TTC4: variants seen among roughly 807,000 people sequenced by gnomAD.
TTC4 encodes hsp70/Hsp90 co-chaperone CNS1 homolog.
In TTC4, 36 loss-of-function variants were observed where a neutral mutation model predicts 51.9. The ratio of observed to expected loss-of-function variants is 0.69; its 90% CI spans 0.53 to 0.92. TTC4 has a LOEUF of 0.92. Among genes scored for constraint, TTC4 ranks in the 40% least tolerant of loss-of-function variants. The pLI, the probability that TTC4 is intolerant of heterozygous loss-of-function variation, is 0.00. For synonymous variants in TTC4, 144 were observed against 164.2 expected (o/e 0.88, Z 0.94); for missense variants, 399 against 454.6 (o/e 0.88, Z 1.11).
chr1:54,739,254 C>A (rs975545184), intron 9 of TTC4, among the ~76,000 whole-genome samples: 4 of 152,036 alleles, frequency 2.6e-5, no homozygotes, highest in African/African-American at 9.7e-5. Context: ...TCAAGCAGTC[C>A]TCCTGCCTCA....
intron 3 of TTC4, among the ~76,000 whole-genome samples, chr1:54,718,416 T>C (rs80142490): frequency 0.038 from 5,730 of 152,266 alleles, 296 homozygotes; most frequent in East Asian, 0.14. Flanking sequence ...TTTTTTACTT[T>C]ATTACATTTT....
chr1:54,727,085 C>T (rs1400405816), intron 5 of TTC4, among the ~76,000 whole-genome samples: 1 of 149,386 alleles, frequency 6.7e-6, no homozygotes, highest in Non-Finnish European at 1.5e-5. Context: ...AATTGGAAGA[C>T]TCACACTTCC....
chr1:54,742,602 GTT>G lies in TTC4; in HGVS notation c.*1090_*1091del, dbSNP rs1428784872. On this transcript the variant is annotated 3_prime_UTR_variant, in exon 10 of 10. Transcript: ENST00000371281. ...AAGCAGTGAGATTTAGGGGTTGGTT[GTT>G]ACTATAGCAGAGCTAATACATGAGT... is the stretch of plus-strand genomic sequence containing the variant. 1 of 152,258 alleles carries G rather than the reference GTT, an allele frequency of 6.6e-6. No homozygotes were observed. Among genetic ancestry groups the G allele is most frequent in the African/African-American group, 2.4e-5 (1 of 41,460 alleles). 9.4% of individuals were successfully genotyped at this position (152,258 alleles called of 1,614,324 possible).
chr1:54,721,065 C>A, intron 3 of TTC4, 98 bp from the exon 4 acceptor site: 1 of 1,144,602 alleles, frequency 8.7e-7, no homozygotes, highest in Non-Finnish European at 1.3e-6. Context: ...TTTGTATTTC[C>A]CCAGGATTGT....
At chr1:54,735,057 C>T (rs546664285) in intron 8 of TTC4, among the ~76,000 whole-genome samples, 96 of 151,766 alleles carry the variant, frequency 6.3e-4, no homozygotes, top group African/African-American at 2.2e-3. Flanking sequence ...CTCAGTCTTT[C>T]CTCCACTTTT....
chr1:54,737,732 C>T (rs1245741575), intron 9 of TTC4, 68 bp downstream of exon 9: 3 of 1,453,100 alleles, frequency 2.1e-6, no homozygotes, highest in African/African-American at 2.8e-5. Context: ...TTTCACACTG[C>T]TGATAAAGAC....
chr1:54,718,988 T>C (rs1645709863), intron 3 of TTC4, among the ~76,000 whole-genome samples: 1 of 152,154 alleles, frequency 6.6e-6, no homozygotes, highest in African/African-American at 2.4e-5. Flanking sequence ...TTTACTCTTT[T>C]TTCTCTTTTT....
intron 9 of TTC4, among the ~76,000 whole-genome samples, chr1:54,738,302 C>T (rs182549439): frequency 5.3e-4 from 80 of 152,288 alleles, no homozygotes; most frequent in African/African-American, 1.7e-3. Context: ...CATCTCCCAC[C>T]GGGTCCCTCC....
chr1:54,738,062 G>A (rs187607809), intron 9 of TTC4, among the ~76,000 whole-genome samples: 4 of 151,880 alleles, frequency 2.6e-5, no homozygotes, highest in East Asian at 1.9e-4. Context: ...CACCACGCCC[G>A]GCTAACTTTT....
intron 1 of TTC4, 65 bp from the exon 2 acceptor site, chr1:54,716,535 G>A: frequency 7.6e-7 from 1 of 1,316,482 alleles, no homozygotes; most frequent in Non-Finnish European, 1.1e-6. Flanking sequence ...TTGGTAATGA[G>A]TCATGGAATT....
At chr1:54,732,401 A>G (rs901325125) in intron 7 of TTC4, among the ~76,000 whole-genome samples, 11 of 151,026 alleles carry the variant, frequency 7.3e-5, no homozygotes, top group African/African-American at 2.7e-4. Flanking sequence ...TTGTGATTTC[A>G]TAGGGTTAAT....
intron 2 of TTC4, 96 bp downstream of exon 2, chr1:54,716,813 C>A: frequency 1.1e-6 from 1 of 951,932 alleles, no homozygotes; most frequent in Non-Finnish European, 1.6e-6. Flanking sequence ...AAGTAGTTAG[C>A]CTGAGCTAAC....
intron 9 of TTC4, among the ~76,000 whole-genome samples, chr1:54,739,050 T>A (rs571556698): frequency 4.6e-5 from 7 of 151,830 alleles, no homozygotes; most frequent in South Asian, 4.2e-4. Flanking sequence ...TTTTTTTTTT[T>A]AAATAGAGAT....
rs76471349 is a variant in TTC4 at position 54,733,763 on chromosome 1, T to A, written c.978+53T>A. On this transcript the variant is annotated intron_variant, in intron 8 of 9. Transcript: ENST00000371281. ...ATGGAATTAATTTTTTTTTTTTTTT[T>A]TTTTTTTTTTGCGGCGGGGGAAGCA... The A allele has an allele frequency of 8.0e-4, 953 of 1,194,746 alleles. 3 individuals carry two copies. The highest frequency in any genetic ancestry group is 2.1e-3 in the South Asian group (132 of 63,434). The allele number at this position is 1,194,746 out of a possible 1,614,324, so 74.0% of individuals were successfully genotyped here.
In TTC4 at chr1:54,737,624, C is replaced by G. The variant is rs1645962668; in HGVS notation, c.1021C>G (p.Pro341Ala). 6.2e-7 allele frequency: 1 copy of G among 1,613,294 alleles called. No homozygotes were observed. Among genetic ancestry groups the G allele is most frequent in the Admixed American group, 1.7e-5 (1 of 60,006 alleles). ...GGACAGGGCAGAACTATACCGGGTGCCTGCCAAGAGCACCTTGCTACAGGT... is the reference window on the plus strand; with the variant it reads ...GGACAGGGCAGAACTATACCGGGTGGCTGCCAAGAGCACCTTGCTACAGGT... ...DEDRAELYRV[P>A]AKSTLLQVLQ... is the part of the protein sequence containing the mutation. Residue 341 changes from proline to alanine, a missense_variant, in exon 9 of 10, where the codon CCT becomes GCT. Physicochemically the swap from Pro to Ala is conservative, Grantham distance 27. Coordinates refer to ENST00000371281, the MANE Select transcript of TTC4 (RefSeq NM_004623.5).
chr1:54,719,974 G>A (rs1437943010), intron 3 of TTC4, among the ~76,000 whole-genome samples: 1 of 150,292 alleles, frequency 6.7e-6, no homozygotes, highest in Non-Finnish European at 1.5e-5. Context: ...TCATAGCATA[G>A]TGCAATCTTA....
At chr1:54,729,699 G>A (rs1645841780) in intron 6 of TTC4, among the ~76,000 whole-genome samples, 1 of 151,670 alleles carries the variant, frequency 6.6e-6, no homozygotes, top group Non-Finnish European at 1.5e-5. Context: ...ACAAAGGAGA[G>A]AATATCTGCT....
chr1:54,716,276 C>G (rs532740448), intron 1 of TTC4: 6 of 540,188 alleles, frequency 1.1e-5, no homozygotes, highest in Non-Finnish European at 2.0e-5. Context: ...TCTCAGAGTC[C>G]GTTTCCTCAT....
In TTC4 at chr1:54,741,620, C is replaced by T. The variant is rs948308486; in HGVS notation, c.*107C>T. ...GGAGTCCAGTGCTTTCTTTCCGTCA[C>T]CCTGGGGATAGTCCTTCCTGGCATC... On this transcript the variant is annotated 3_prime_UTR_variant, in exon 10 of 10. Coordinates refer to ENST00000371281, the MANE Select transcript of TTC4 (RefSeq NM_004623.5). 9.5e-6 allele frequency: 9 copies of T among 949,048 alleles called. No homozygotes were observed. The highest frequency in any genetic ancestry group is 8.5e-5 in the Admixed American group (4 of 46,848). The allele number at this position is 949,048 out of a possible 1,614,324, so 58.8% of individuals were successfully genotyped here.
Sources: allele counts gnomAD v4.1 joint callset (sites outside exome capture counted in the v4.1 genomes callset), GRCh38; gene constraint gnomAD v4.1.1; transcripts MANE v1.5; gene names NCBI Gene and HGNC (gene_info 2026-07-23, HGNC 2026-07-21).